PPP2R2B: variants seen among roughly 807,000 people sequenced by gnomAD.
PPP2R2B encodes the protein protein phosphatase 2 regulatory subunit Bbeta.
Under a neutral mutation model 46.0 loss-of-function variants are expected in PPP2R2B, and 5 were observed. That is an observed-to-expected ratio of 0.11 (90% confidence interval 0.06 to 0.23). PPP2R2B has a LOEUF of 0.23. Ranked by LOEUF, PPP2R2B falls within the 10% of genes least tolerant of loss-of-function variation. The pLI, the probability that PPP2R2B is intolerant of heterozygous loss-of-function variation, is 1.00. For synonymous variants in PPP2R2B, 215 were observed against 206.7 expected (o/e 1.04, Z -0.34); for missense variants, 367 against 575.0 (o/e 0.64, Z 3.70).
intron 1 of PPP2R2B, among the ~76,000 whole-genome samples, chr5:146,989,595 C>T (rs919672908): frequency 8.6e-5 from 13 of 151,920 alleles, no homozygotes; most frequent in Admixed American, 2.6e-4. Context: ...AAGGAACATA[C>T]CTCGATACAA....
At chr5:146,705,708 AG>A (rs1373721065) in intron 2 of PPP2R2B, among the ~76,000 whole-genome samples, 1 of 152,136 alleles carries the variant, frequency 6.6e-6, no homozygotes, top group Non-Finnish European at 1.5e-5. Context: ...TAACTGAAAT[AG>A]TGCATTTGAG....
chr5:146,740,741 T>TC (rs1265261926), intron 2 of PPP2R2B, among the ~76,000 whole-genome samples: 1 of 152,044 alleles, frequency 6.6e-6, no homozygotes, highest in Non-Finnish European at 1.5e-5. Context: ...GCATATTTTT[T>TC]CACAGATGAA....
chr5:147,070,845 A>G (rs1303941922), intron 2 of PPP2R2B, among the ~76,000 whole-genome samples: 1 of 152,176 alleles, frequency 6.6e-6, no homozygotes, highest in Non-Finnish European at 1.5e-5. Context: ...ATGCAAGCCC[A>G]TTTGTATAAA....
At chr5:146,650,062 C>T (rs1298755061) in intron 6 of PPP2R2B, among the ~76,000 whole-genome samples, 2 of 152,046 alleles carry the variant, frequency 1.3e-5, no homozygotes. Context: ...GCATAATATA[C>T]TTCAATGAGG....
chr5:146,761,428 A>C (rs921771416), intron 2 of PPP2R2B, among the ~76,000 whole-genome samples: 1 of 152,130 alleles, frequency 6.6e-6, no homozygotes, highest in East Asian at 1.9e-4. Context: ...AAATCCAAAC[A>C]CCACAAGTTT....
intron 6 of PPP2R2B, among the ~76,000 whole-genome samples, chr5:146,646,850 C>CTT (rs1775614569): frequency 6.6e-6 from 1 of 151,908 alleles, no homozygotes; most frequent in Non-Finnish European, 1.5e-5. Flanking sequence ...TGTGTGCGTG[C>CTT]GTATGTGTGT....
intron 2 of PPP2R2B, among the ~76,000 whole-genome samples, chr5:146,876,347 G>C (rs571024220): frequency 1.1e-4 from 17 of 152,248 alleles, no homozygotes; most frequent in African/African-American, 3.6e-4. Context: ...GCTCCACTCT[G>C]GGCATTTTCT....
intron 1 of PPP2R2B, chr5:147,040,610 CCTTTA>C: frequency 2.9e-6 from 1 of 344,092 alleles, no homozygotes; most frequent in South Asian, 2.3e-5. Flanking sequence ...CAGGCTTGGC[CCTTTA>C]CTTAGTGATG....
At chr5:146,615,648 G>A (rs923809496) in intron 7 of PPP2R2B, among the ~76,000 whole-genome samples, 38 of 151,100 alleles carry the variant, frequency 2.5e-4, no homozygotes, top group African/African-American at 9.2e-4. Flanking sequence ...ATTTACAACA[G>A]CTACAAATTA....
At chr5:146,791,265 A>T (rs930790019) in intron 2 of PPP2R2B, among the ~76,000 whole-genome samples, 5 of 152,170 alleles carry the variant, frequency 3.3e-5, no homozygotes, top group Non-Finnish European at 7.3e-5. Flanking sequence ...TCATACTGCT[A>T]TATCTTAGTC....
At chr5:146,639,707 C>G (rs968718283) in intron 6 of PPP2R2B, among the ~76,000 whole-genome samples, 39 of 152,318 alleles carry the variant, frequency 2.6e-4, no homozygotes, top group African/African-American at 9.4e-4. Flanking sequence ...ATCTGTGCAT[C>G]ATCAGATAGT....
intron 2 of PPP2R2B, among the ~76,000 whole-genome samples, chr5:147,063,651 T>C (rs558306229): frequency 6.6e-6 from 1 of 152,208 alleles, no homozygotes; most frequent in African/African-American, 2.4e-5. Flanking sequence ...AATTAAATCA[T>C]GAATATTATG....
chr5:146,983,946 C>T (rs963889886), intron 1 of PPP2R2B, among the ~76,000 whole-genome samples: 1 of 151,670 alleles, frequency 6.6e-6, no homozygotes, highest in Admixed American at 6.6e-5. Flanking sequence ...TCTTTCTAAA[C>T]ATTTTTATTA....
At chr5:146,876,390 T>C (rs1166864542) in intron 2 of PPP2R2B, among the ~76,000 whole-genome samples, 1 of 151,890 alleles carries the variant, frequency 6.6e-6, no homozygotes, top group African/African-American at 2.4e-5. Flanking sequence ...CTGCATAATG[T>C]AATATACAAG....
chr5:146,816,866 G>A (rs1757961470), intron 2 of PPP2R2B, among the ~76,000 whole-genome samples: 1 of 152,158 alleles, frequency 6.6e-6, no homozygotes, highest in Non-Finnish European at 1.5e-5. Flanking sequence ...TGGGGCCTGA[G>A]CATATTTTTA....
chr5:146,892,002 C>T (rs907677659), intron 1 of PPP2R2B, among the ~76,000 whole-genome samples: 4 of 152,176 alleles, frequency 2.6e-5, no homozygotes, highest in Non-Finnish European at 5.9e-5. Context: ...ACTCATGGAG[C>T]GATTACCGTC....
chr5:146,706,901 A>G, intron 2 of PPP2R2B: 1 of 1,280,214 alleles, frequency 7.8e-7, no homozygotes, highest in Non-Finnish European at 1.1e-6. Context: ...CGTGTCCGAG[A>G]TCTGGGACTG....
intron 1 of PPP2R2B, among the ~76,000 whole-genome samples, chr5:147,044,782 T>C (rs572669467): frequency 2.4e-4 from 36 of 152,170 alleles, no homozygotes; most frequent in Non-Finnish European, 3.5e-4. Flanking sequence ...TAGGAATATA[T>C]GCAGCAGAGC....
chr5:147,031,993 T>C (rs961990455), intron 1 of PPP2R2B, among the ~76,000 whole-genome samples: 2 of 152,176 alleles, frequency 1.3e-5, no homozygotes, highest in African/African-American at 4.8e-5. Context: ...TAGGCAAGGA[T>C]TTAATGACCA....
Sources: gnomAD v4.1 joint callset for allele counts (sites outside exome capture counted in the v4.1 genomes callset) on GRCh38, gnomAD v4.1.1 for gene constraint, MANE v1.5 for transcripts, NCBI Gene and HGNC (gene_info 2026-07-23, HGNC 2026-07-21) for gene names.